Variants in BANP observed in about 807,000 individuals in gnomAD.
The protein encoded by BANP is protein BANP.
Under a neutral mutation model 68.1 loss-of-function variants are expected in BANP, and 11 were observed. The observed-to-expected ratio is 0.16, with a 90% CI of 0.10 to 0.27. The LOEUF is 0.27. Ranked by LOEUF, BANP falls within the 10% of genes least tolerant of loss-of-function variation. The probability of loss-of-function intolerance (pLI) is 1.00; values close to 1 mark genes in which losing one functional copy is unlikely to be tolerated. For missense variants in BANP, 504 were observed against 722.7 expected (o/e 0.70, Z 3.47); for synonymous variants, 329 against 303.2 (o/e 1.09, Z -0.88).
At chr16:87,949,909 G>A (rs1474377482), upstream of BANP, 1 of 142,984 alleles carries the variant, frequency 7.0e-6, no homozygotes, top group Non-Finnish European at 1.5e-5. Context: ...ACGGAGTCTC[G>A]TTCTGCTGCC....
chr16:88,030,239 G>T (rs1457037351), intron 8 of BANP, among the ~76,000 whole-genome samples: 1 of 152,150 alleles, frequency 6.6e-6, no homozygotes, highest in Non-Finnish European at 1.5e-5. Context: ...TGTGACCTAT[G>T]ATCAGAAAAT....
intron 8 of BANP, among the ~76,000 whole-genome samples, 176 bp from the exon 9 acceptor site, chr16:88,032,933 C>G (rs2078516249): frequency 6.6e-6 from 1 of 152,248 alleles, no homozygotes; most frequent in African/African-American, 2.4e-5. Context: ...GTTCCTAAGA[C>G]TCACTGGTAG....
At chr16:87,964,902 A>T (rs59102109) in intron 1 of BANP, among the ~76,000 whole-genome samples, 1 of 152,008 alleles carries the variant, frequency 6.6e-6, no homozygotes, top group Non-Finnish European at 1.5e-5. Flanking sequence ...GGGGTGGGTG[A>T]CAGGGGCTCA....
intron 9 of BANP, chr16:88,035,067 G>T (rs2152749924): frequency 4.0e-6 from 2 of 497,598 alleles, no homozygotes; most frequent in East Asian, 7.3e-5. Flanking sequence ...ATGGGGTTCA[G>T]CACCATCCAC....
At chr16:87,960,190 A>C (rs188148777) in intron 1 of BANP, among the ~76,000 whole-genome samples, 1 of 152,308 alleles carries the variant, frequency 6.6e-6, no homozygotes, top group East Asian at 1.9e-4. Flanking sequence ...GGATGGCCAC[A>C]GGGAGGGGAG....
chr16:87,994,607 C>T (rs1461316965), intron 4 of BANP, among the ~76,000 whole-genome samples: 1 of 152,088 alleles, frequency 6.6e-6, no homozygotes, highest in African/African-American at 2.4e-5. Context: ...ATTTTTATCC[C>T]TGGGTATTTT....
Position 87,998,567 on chromosome 16 carries a change from CGTGCGCGGCTGG to C in BANP, c.363-5727_363-5716del, listed in dbSNP as rs1598282400. On this transcript the variant is annotated intron_variant, in intron 4 of 13. Coordinates refer to ENST00000682872, the MANE Select transcript of BANP (RefSeq NM_001386991.1). ...TTCCAGACACGTCTCCATGCACGCA[CGTGCGCGGCTGG>C]ACTCACCTGTCCTTCCAGACACGTC... Among the ~76,000 whole-genome samples the C allele has an allele frequency of 2.3e-4, 21 of 91,154 alleles. No individual in the cohort carries two copies. In the East Asian group the frequency reaches 5.6e-3, roughly 24 times the overall value. 59.8% of individuals were successfully genotyped at this position (91,154 alleles called of 152,430 possible).
At position 88,026,219 on chromosome 16, in the gene BANP, C is replaced by G. The variant is rs111439642; in HGVS notation, c.896-1264C>G. On this transcript the variant is annotated intron_variant, in intron 7 of 13. Transcript: ENST00000682872. Reference sequence around the variant, plus strand: ...GGTGAGCCCCAGGAAGACGATGCACCTGGCTTTGGCCCCACAGTGAGAGTA... The same window carrying G: ...GGTGAGCCCCAGGAAGACGATGCACGTGGCTTTGGCCCCACAGTGAGAGTA... Among the ~76,000 whole-genome samples the G allele has an allele frequency of 4.2e-4, 64 of 152,348 alleles. 1 individual carries two copies. Among genetic ancestry groups the G allele is most frequent in the African/African-American group, 1.5e-3 (62 of 41,570 alleles).
At chr16:88,034,154 G>A (rs947096405) in intron 9 of BANP, among the ~76,000 whole-genome samples, 1 of 152,188 alleles carries the variant, frequency 6.6e-6, no homozygotes, top group South Asian at 2.1e-4. Flanking sequence ...AAATTCTGGG[G>A]CTTTTAGAGG....
chr16:88,032,610 T>G (rs994665893), intron 8 of BANP, among the ~76,000 whole-genome samples: 7 of 152,232 alleles, frequency 4.6e-5, no homozygotes, highest in African/African-American at 1.7e-4. Context: ...CTTAATATTC[T>G]GAGAGTTTAA....
In BANP at chr16:87,981,102, T is replaced by G; in HGVS notation, c.137T>G (p.Ile46Ser). 6.2e-7 allele frequency: 1 copy of G among 1,614,028 alleles called. No homozygotes were observed. Among genetic ancestry groups the G allele is most frequent in the Non-Finnish European group, 8.5e-7 (1 of 1,179,950 alleles). Reference protein sequence around the residue: ...EPALKRQRLEINCQDPSIKSF... With the variant: ...EPALKRQRLESNCQDPSIKSF... ...GCTTTGAAACGCCAGCGACTAGAAATCAATTGCCAGGATCCATCTATAAAG... is the reference window on the plus strand; with the variant it reads ...GCTTTGAAACGCCAGCGACTAGAAAGCAATTGCCAGGATCCATCTATAAAG... Residue 46 changes from isoleucine to serine, a missense_variant, in exon 3 of 14, where the codon ATC (isoleucine) becomes AGC (serine). By Grantham distance (142) the Ile-to-Ser change is moderately radical. Transcript: ENST00000682872.
intron 7 of BANP, among the ~76,000 whole-genome samples, chr16:88,022,060 C>A (rs1203641357): frequency 1.3e-5 from 2 of 151,986 alleles, no homozygotes; most frequent in East Asian, 1.9e-4. Context: ...GATTGGTGGA[C>A]CCCCCGAATT....
intron 12 of BANP, among the ~76,000 whole-genome samples, chr16:88,066,023 G>A (rs1030441130): frequency 1.3e-5 from 2 of 152,162 alleles, no homozygotes; most frequent in Non-Finnish European, 2.9e-5. Context: ...TGGCTTTTAC[G>A]AGCCTGGGAT....
At chr16:88,047,412 C>T (rs1199084531) in intron 11 of BANP, among the ~76,000 whole-genome samples, 1 of 152,214 alleles carries the variant, frequency 6.6e-6, no homozygotes, top group Non-Finnish European at 1.5e-5. Context: ...GGCCTTGCTC[C>T]TTCCCCCAAA....
At chr16:88,074,620 C>T (rs948083342) in intron 13 of BANP, among the ~76,000 whole-genome samples, 1 of 152,040 alleles carries the variant, frequency 6.6e-6, no homozygotes, top group Admixed American at 6.5e-5. Flanking sequence ...CCCCACTGTC[C>T]CCACCCACCC....
chr16:88,025,508 T>G (rs1315842849), intron 7 of BANP, among the ~76,000 whole-genome samples: 1 of 152,206 alleles, frequency 6.6e-6, no homozygotes, highest in Non-Finnish European at 1.5e-5. Flanking sequence ...GATGAAAATG[T>G]GCTGCCGAAA....
rs775514112 is a variant in BANP, at chr16:88,072,060, TC to T, written c.1378-6del. ...CGCCGCTGACGGGCCCCCGTGTGTCTCCCTCCAGGTGCTGCAGGGTGCACAG... is the reference window on the plus strand; with the variant it reads ...CGCCGCTGACGGGCCCCCGTGTGTCTCCTCCAGGTGCTGCAGGGTGCACAG... On this transcript the variant is annotated splice_region_variant and splice_polypyrimidine_tract_variant and intron_variant, in intron 12 of 13. Transcript: ENST00000682872. 1.7e-5 allele frequency: 26 copies of T among 1,565,298 alleles called. No homozygotes were observed. In the South Asian group the frequency reaches 2.9e-4, roughly 18 times the overall value.
intron 11 of BANP, among the ~76,000 whole-genome samples, chr16:88,059,169 A>G (rs962711290): frequency 3.2e-4 from 44 of 136,722 alleles, no homozygotes; most frequent in East Asian, 1.6e-3. Flanking sequence ...GCTGTGGTCC[A>G]TGCTCCTGCT....
intron 1 of BANP, among the ~76,000 whole-genome samples, chr16:87,962,478 C>T (rs1447134430): frequency 1.3e-5 from 2 of 152,058 alleles, no homozygotes; most frequent in African/African-American, 2.4e-5. Context: ...CCCTCAGTAG[C>T]TTTAGAATGG....
Sources: allele counts gnomAD v4.1 joint callset (sites outside exome capture counted in the v4.1 genomes callset), GRCh38; gene constraint gnomAD v4.1.1; transcripts MANE v1.5; gene names NCBI Gene and HGNC (gene_info 2026-07-23, HGNC 2026-07-21).